Variants in ADK observed in about 807,000 individuals in gnomAD.
ADK encodes N6,N6-dimethyladenosine kinase.
ADK carries 24 observed loss-of-function variants against 44.7 expected under a neutral mutation model. The ratio of observed to expected loss-of-function variants is 0.54; its 90% CI spans 0.39 to 0.76. The LOEUF (loss-of-function observed/expected upper bound fraction) is 0.76. Among genes scored for constraint, ADK ranks in the 30% least tolerant of loss-of-function variants. The pLI, the probability that ADK is intolerant of heterozygous loss-of-function variation, is 0.00. For missense variants in ADK, 321 were observed against 425.1 expected, an observed-to-expected ratio of 0.76 and a Z score of 2.15; for synonymous variants, 128 against 142.6, an observed-to-expected ratio of 0.90 and a Z score of 0.73.
intron 3 of ADK, among the ~76,000 whole-genome samples, chr10:74,234,766 C>T (rs1452925252): frequency 6.6e-6 from 1 of 152,054 alleles, no homozygotes; most frequent in Non-Finnish European, 1.5e-5. Flanking sequence ...TACTAGCTCC[C>T]TCTGTAGAAC....
At chr10:74,670,423 A>G (rs957197986) in intron 10 of ADK, among the ~76,000 whole-genome samples, 154 bp downstream of exon 10, 1 of 152,178 alleles carries the variant, frequency 6.6e-6, no homozygotes, top group African/African-American at 2.4e-5. Context: ...TATCATTGTC[A>G]GTATTAGAGG....
intron 6 of ADK, among the ~76,000 whole-genome samples, chr10:74,402,947 G>C (rs1036171390): frequency 3.9e-5 from 6 of 152,132 alleles, no homozygotes; most frequent in African/African-American, 1.4e-4. Context: ...TGTCCTTTCT[G>C]TTTGTTACTT....
intron 4 of ADK, among the ~76,000 whole-genome samples, chr10:74,377,103 A>G (rs1236875293): frequency 6.6e-6 from 1 of 152,168 alleles, no homozygotes; most frequent in East Asian, 1.9e-4. Context: ...TTGTATATAG[A>G]ACATTTTCCT....
rs12572648 is a variant in ADK, at chr10:74,222,609, C to G, written c.141-1929C>G. Among the ~76,000 whole-genome samples the G allele has an allele frequency of 1.3e-3, 194 of 152,202 alleles. 7 individuals carry two copies. In the East Asian group the frequency reaches 0.021, roughly 17 times the overall value. ...AACAATAGCAAAGACTTGGAACCAA[C>G]CCAAATGTCCAACAATGATAGACTG... On this transcript the variant is annotated intron_variant, in intron 2 of 10. Coordinates refer to ENST00000539909, the MANE Select transcript of ADK (RefSeq NM_006721.4).
At chr10:74,655,933 G>T in intron 9 of ADK, 1 of 692,220 alleles carries the variant, frequency 1.4e-6, no homozygotes, top group Non-Finnish European at 2.7e-6. Context: ...CTGCCCATCT[G>T]CAAGTCCGAA....
chr10:74,485,319 G>A (rs775749624), intron 6 of ADK, among the ~76,000 whole-genome samples: 7 of 151,902 alleles, frequency 4.6e-5, no homozygotes, highest in South Asian at 2.1e-4. Context: ...TGCATTAGCC[G>A]GGCATGGTGG....
At chr10:74,338,254 T>C (rs1238056132) in intron 4 of ADK, among the ~76,000 whole-genome samples, 1 of 152,182 alleles carries the variant, frequency 6.6e-6, no homozygotes, top group East Asian at 1.9e-4. Flanking sequence ...GCTGCATACA[T>C]ATGTGGATAG....
chr10:74,564,547 T>G (rs1850579499), intron 7 of ADK, among the ~76,000 whole-genome samples: 1 of 152,216 alleles, frequency 6.6e-6, no homozygotes, highest in South Asian at 2.1e-4. Context: ...CCCTGTTTCC[T>G]TTTTTAAAAT....
At chr10:74,242,138 G>T (rs974985128) in intron 3 of ADK, among the ~76,000 whole-genome samples, 1 of 152,234 alleles carries the variant, frequency 6.6e-6, no homozygotes, top group Non-Finnish European at 1.5e-5. Flanking sequence ...AAGAAGCAGA[G>T]ATGAACTTTG....
intron 3 of ADK, among the ~76,000 whole-genome samples, chr10:74,306,240 A>T (rs910650354): frequency 6.6e-6 from 1 of 151,970 alleles, no homozygotes; most frequent in Non-Finnish European, 1.5e-5. Flanking sequence ...TATTAAGCCC[A>T]TCTAGTTAGT....
intron 8 of ADK, among the ~76,000 whole-genome samples, chr10:74,597,623 T>C (rs1437741462): frequency 6.6e-6 from 1 of 150,576 alleles, no homozygotes; most frequent in Admixed American, 6.6e-5. Context: ...TGTTTTCTCA[T>C]GTACATTGAG....
chr10:74,168,681 C>T (rs1368829539), intron 1 of ADK, among the ~76,000 whole-genome samples: 1 of 151,480 alleles, frequency 6.6e-6, no homozygotes, highest in East Asian at 2.0e-4. Context: ...GGCATGACCT[C>T]GGCCCACTGC....
intron 3 of ADK, among the ~76,000 whole-genome samples, chr10:74,239,332 G>A (rs4451661): frequency 0.74 from 111,776 of 151,952 alleles, 41,796 homozygotes; most frequent in Middle Eastern, 0.85. Context: ...TTAGATCTCC[G>A]TTAGATGAAA....
intron 9 of ADK, among the ~76,000 whole-genome samples, chr10:74,628,635 A>G (rs1053351032): frequency 1.3e-5 from 2 of 152,022 alleles, no homozygotes; most frequent in Admixed American, 6.5e-5. Context: ...AAGGGGTACA[A>G]CAACCTCATC....
intron 4 of ADK, among the ~76,000 whole-genome samples, chr10:74,337,943 A>T (rs184923009): frequency 1.1e-4 from 16 of 151,972 alleles, no homozygotes; most frequent in Non-Finnish European, 2.1e-4. Context: ...TGTATTTAAG[A>T]ATCTTAAATG....
At chr10:74,540,033 G>A (rs930972023) in intron 7 of ADK, among the ~76,000 whole-genome samples, 7 of 151,816 alleles carry the variant, frequency 4.6e-5, no homozygotes, top group East Asian at 1.9e-4. Flanking sequence ...TTACTCCTTC[G>A]TCTCCCTCTT....
intron 7 of ADK, chr10:74,527,959 G>C (rs1011841049): frequency 5.1e-6 from 4 of 781,156 alleles, no homozygotes; most frequent in Admixed American, 1.9e-5. Flanking sequence ...GATGAGAAGG[G>C]CTGGTTATAA....
chr10:74,642,503 C>A (rs1853898008), intron 9 of ADK, among the ~76,000 whole-genome samples: 1 of 151,866 alleles, frequency 6.6e-6, no homozygotes, highest in African/African-American at 2.4e-5. Context: ...GTGCACCTGA[C>A]CTCAATAATT....
chr10:74,689,216 T>G (rs567353503), intron 10 of ADK, among the ~76,000 whole-genome samples: 78 of 152,050 alleles, frequency 5.1e-4, no homozygotes, highest in African/African-American at 1.8e-3. Context: ...GCCACTGCAC[T>G]CCAGCCTGGG....
Sources: gnomAD v4.1 joint callset for allele counts (sites outside exome capture counted in the v4.1 genomes callset) on GRCh38, gnomAD v4.1.1 for gene constraint, MANE v1.5 for transcripts, NCBI Gene and HGNC (gene_info 2026-07-23, HGNC 2026-07-21) for gene names.